The following CALN1 variants were observed in gnomAD, a reference collection of about 807,000 sequenced individuals.
CALN1 encodes the protein calneuron 1, also known as calcium-binding protein 8.
Under a neutral mutation model 30.6 loss-of-function variants are expected in CALN1, and 17 were observed. That is an observed-to-expected ratio of 0.56 (90% CI 0.38 to 0.83). CALN1 has a LOEUF of 0.83. CALN1 is among the 40% of genes least tolerant of loss of function. The pLI, the probability that CALN1 is intolerant of heterozygous loss-of-function variation, is 0.00. For missense variants in CALN1, 291 were observed against 354.9 expected (o/e 0.82, Z 1.45); for synonymous variants, 156 against 131.4 (o/e 1.19, Z -1.28).
intron 3 of CALN1, among the ~76,000 whole-genome samples, chr7:72,224,599 AT>A (rs1403493590): frequency 6.6e-6 from 1 of 151,694 alleles, no homozygotes; most frequent in Non-Finnish European, 1.5e-5. Context: ...GCCTTGCAAC[AT>A]GGTGTAACCT....
At chr7:72,494,577 C>T in the CALN1 span, among the ~76,000 whole-genome samples, 1 of 152,148 alleles carries the variant, frequency 6.6e-6, no homozygotes, top group Non-Finnish European at 1.5e-5. Context: ...TCTCGGGTAC[C>T]ACATCAAAGG....
At chr7:71,908,912 T>A (rs994341855) in intron 5 of CALN1, among the ~76,000 whole-genome samples, 6 of 152,254 alleles carry the variant, frequency 3.9e-5, no homozygotes, top group African/African-American at 1.4e-4. Flanking sequence ...TCCAGGGACG[T>A]CCTTTCAGGG....
intron 2 of CALN1, among the ~76,000 whole-genome samples, chr7:72,346,736 G>A (rs951387307): frequency 3.3e-5 from 5 of 152,000 alleles, no homozygotes; most frequent in South Asian, 2.1e-4. Context: ...GGCTGGTCTC[G>A]AACTCCTGAC....
chr7:72,246,470 C>A (rs1316003529), intron 3 of CALN1, among the ~76,000 whole-genome samples: 1 of 152,090 alleles, frequency 6.6e-6, no homozygotes, highest in African/African-American at 2.4e-5. Flanking sequence ...CCCTGTCCTG[C>A]CCCCAGTGTC....
intron 3 of CALN1, among the ~76,000 whole-genome samples, chr7:72,187,547 T>A (rs1022872049): frequency 6.6e-6 from 1 of 152,168 alleles, no homozygotes; most frequent in Non-Finnish European, 1.5e-5. Flanking sequence ...GGTTGCGTGT[T>A]CCTTATGAGA....
intron 5 of CALN1, among the ~76,000 whole-genome samples, chr7:71,830,064 T>C (rs933021640): frequency 3.4e-4 from 51 of 149,098 alleles, no homozygotes; most frequent in Non-Finnish European, 7.1e-4. Context: ...TTTTTGGAGA[T>C]GGGAGTTTTG....
chr7:72,399,133 A>G (rs1049651235), intron 2 of CALN1, among the ~76,000 whole-genome samples: 4 of 152,204 alleles, frequency 2.6e-5, no homozygotes, highest in African/African-American at 9.6e-5. Flanking sequence ...TAGCAAAGAC[A>G]GGAGCGGACA....
At chr7:71,946,795 C>T (rs905153439) in intron 5 of CALN1, among the ~76,000 whole-genome samples, 1 of 152,108 alleles carries the variant, frequency 6.6e-6, no homozygotes, top group African/African-American at 2.4e-5. Flanking sequence ...GGTCTGGAAT[C>T]AGGATTTCCT....
rs769773237 is a variant in CALN1, at chr7:72,106,419, A to G, written c.245-125T>C. 6.7e-5 allele frequency: 77 copies of G among 1,156,038 alleles called. 1 individual carries two copies. The highest frequency in any genetic ancestry group is 5.6e-5 in the Non-Finnish European group (46 of 821,516). 71.6% of individuals were successfully genotyped at this position (1,156,038 alleles called of 1,614,324 possible). ...AAACAGTGATTTGTTAAAACTCTTT[A>G]ATCAGATAAAAGGGAGGACAGAAGA... is the stretch of plus-strand genomic sequence containing the variant. On this transcript the variant is annotated intron_variant, in intron 3 of 6. Coordinates refer to ENST00000395275, the MANE Select transcript of CALN1 (RefSeq NM_031468.4).
chr7:72,076,904 T>C (rs1227669018), intron 4 of CALN1, among the ~76,000 whole-genome samples: 2 of 151,956 alleles, frequency 1.3e-5, no homozygotes, highest in African/African-American at 4.8e-5. Context: ...TCTCTCTCTT[T>C]TATTTATTTG....
chr7:72,180,312 C>T (rs1488497860), intron 3 of CALN1, among the ~76,000 whole-genome samples: 1 of 152,126 alleles, frequency 6.6e-6, no homozygotes, highest in Non-Finnish European at 1.5e-5. Flanking sequence ...CTAGATATGC[C>T]AACTATAGTG....
chr7:72,216,175 G>A (rs1254536887), intron 3 of CALN1, among the ~76,000 whole-genome samples: 1 of 152,054 alleles, frequency 6.6e-6, no homozygotes, highest in East Asian at 1.9e-4. Context: ...AATGCATTAG[G>A]AGGCTGATGG....
intron 3 of CALN1, among the ~76,000 whole-genome samples, chr7:72,221,791 G>A (rs1306957295): frequency 6.6e-6 from 1 of 151,900 alleles, no homozygotes; most frequent in African/African-American, 2.4e-5. Flanking sequence ...TCAGGAGGTT[G>A]AGGCAGAGAA....
At chr7:72,048,746 C>T (rs991022316) in intron 4 of CALN1, among the ~76,000 whole-genome samples, 5 of 149,162 alleles carry the variant, frequency 3.4e-5, no homozygotes, top group African/African-American at 1.2e-4. Flanking sequence ...TCTTCTCTGC[C>T]TCCTTCCTTC....
chr7:71,944,687 T>G (rs1796318700), intron 5 of CALN1, among the ~76,000 whole-genome samples: 1 of 151,504 alleles, frequency 6.6e-6, no homozygotes, highest in African/African-American at 2.4e-5. Flanking sequence ...AAAAAACTAA[T>G]TGCTATCAAA....
intron 4 of CALN1, chr7:72,104,156 C>G (rs988926506): frequency 6.5e-6 from 1 of 153,508 alleles, no homozygotes; most frequent in African/African-American, 2.4e-5. Context: ...CAGGGAACAC[C>G]TCAAGTCCAA....
chr7:71,892,054 C>T (rs572084045), intron 5 of CALN1, among the ~76,000 whole-genome samples: 1 of 152,188 alleles, frequency 6.6e-6, no homozygotes, highest in South Asian at 2.1e-4. Flanking sequence ...ATGCCTGTCT[C>T]GGTATTCAGA....
intron 5 of CALN1, among the ~76,000 whole-genome samples, chr7:71,910,073 A>G (rs1794346961): frequency 6.6e-6 from 1 of 152,196 alleles, no homozygotes; most frequent in Non-Finnish European, 1.5e-5. Flanking sequence ...AGACTTATTC[A>G]CTATCACAAT....
intron 5 of CALN1, among the ~76,000 whole-genome samples, chr7:71,867,941 G>C (rs1791686182): frequency 6.6e-6 from 1 of 152,078 alleles, no homozygotes; most frequent in African/African-American, 2.4e-5. Context: ...ATTAGAAACA[G>C]TCCACTTATG....
Sources: allele counts gnomAD v4.1 joint callset (sites outside exome capture counted in the v4.1 genomes callset), GRCh38; gene constraint gnomAD v4.1.1; transcripts MANE v1.5; gene names NCBI Gene and HGNC (gene_info 2026-07-23, HGNC 2026-07-21).